FANCL: variants seen among roughly 807,000 people sequenced by gnomAD.
FANCL encodes the protein E3 ubiquitin-protein ligase FANCL.
A neutral mutation model predicts 59.4 loss-of-function variants in FANCL; 69 were observed. That is an observed-to-expected ratio of 1.16 (90% CI 0.96 to 1.42). The LOEUF (loss-of-function observed/expected upper bound fraction) is 1.42, where lower values mean the gene tolerates loss of function less well. Among genes scored for constraint, FANCL ranks in the 40% most tolerant of loss-of-function variants. The pLI is 0.00. For missense variants in FANCL, 519 were observed against 447.2 expected (o/e 1.16, Z -1.45); for synonymous variants, 180 against 147.1 (o/e 1.22, Z -1.62).
At chr2:58,204,255 T>C (rs754697786) in intron 5 of FANCL, 29 bp from the exon 6 acceptor site, 59 of 1,540,464 alleles carry the variant, frequency 3.8e-5, no homozygotes, top group South Asian at 5.6e-5. Flanking sequence ...TAAAAAATGA[T>C]CACACCGGGG....
chr2:58,171,805 C>A (rs141947791), intron 7 of FANCL, among the ~76,000 whole-genome samples: 1 of 152,204 alleles, frequency 6.6e-6, no homozygotes, highest in African/African-American at 2.4e-5. Context: ...GGACGAGGCA[C>A]TGCCTCCCTC....
intron 6 of FANCL, among the ~76,000 whole-genome samples, chr2:58,202,239 TAAAAAAAAAAAAA>T (rs5831491): frequency 7.5e-5 from 8 of 106,094 alleles, no homozygotes; most frequent in African/African-American, 2.5e-4. Flanking sequence ...ACCTTTTTCC[TAAAAAAAAAAAAA>T]AAAAAAAAAG....
intron 5 of FANCL, among the ~76,000 whole-genome samples, chr2:58,212,169 C>A (rs564145215): frequency 1.1e-4 from 16 of 152,258 alleles, no homozygotes; most frequent in South Asian, 6.2e-4. Context: ...CTGGGGAAGC[C>A]TCACAATCAT....
In FANCL at chr2:58,159,408, C is replaced by T; in HGVS notation, c.*357G>A. Reference sequence around the variant, plus strand: ...CTCAAGAACCTTTGAATGAAGTAAACAGTTTCCCACAAAAAATCAGCTATA... The same window carrying T: ...CTCAAGAACCTTTGAATGAAGTAAATAGTTTCCCACAAAAAATCAGCTATA... On this transcript the variant is annotated 3_prime_UTR_variant, in exon 14 of 14. Transcript: ENST00000233741. 1 of 1,613,400 alleles carries T rather than the reference C, an allele frequency of 6.2e-7. No homozygotes were observed. Among genetic ancestry groups the T allele is most frequent in the Non-Finnish European group, 8.5e-7 (1 of 1,179,668 alleles).
chr2:58,172,355 T>C (rs972936647), intron 7 of FANCL, among the ~76,000 whole-genome samples: 1 of 152,138 alleles, frequency 6.6e-6, no homozygotes, highest in African/African-American at 2.4e-5. Context: ...CACCGCCCAG[T>C]AGGGGCAGAC....
At chr2:58,179,433 C>G (rs1346754322) in intron 7 of FANCL, among the ~76,000 whole-genome samples, 1 of 152,072 alleles carries the variant, frequency 6.6e-6, no homozygotes, top group Non-Finnish European at 1.5e-5. Flanking sequence ...TAACGCCACA[C>G]ATCTACAACC....
intron 6 of FANCL, among the ~76,000 whole-genome samples, chr2:58,203,209 A>G (rs540113571): frequency 6.6e-6 from 1 of 152,046 alleles, no homozygotes; most frequent in Admixed American, 6.6e-5. Context: ...TGAGAGAATT[A>G]GTCATTTCTC....
chr2:58,169,867 A>G (rs1686376471), intron 7 of FANCL, among the ~76,000 whole-genome samples: 1 of 152,154 alleles, frequency 6.6e-6, no homozygotes, highest in Admixed American at 6.5e-5. Flanking sequence ...AAGAATGAGA[A>G]GGAATGAACA....
intron 11 of FANCL, among the ~76,000 whole-genome samples, chr2:58,162,225 A>T (rs565679072): frequency 2.0e-5 from 3 of 151,928 alleles, no homozygotes; most frequent in Non-Finnish European, 4.4e-5. Context: ...TCAAAAATCA[A>T]TTCTATTATT....
At chr2:58,188,382 C>A (rs1386080956) in intron 7 of FANCL, among the ~76,000 whole-genome samples, 2 of 151,876 alleles carry the variant, frequency 1.3e-5, no homozygotes, top group African/African-American at 4.8e-5. Flanking sequence ...TATCACAGGA[C>A]CTTTGCAGCC....
chr2:58,198,794 C>G, intron 6 of FANCL, 132 bp from the exon 7 acceptor site: 2 of 667,142 alleles, frequency 3.0e-6, no homozygotes, highest in Non-Finnish European at 5.4e-6. Flanking sequence ...CTTTGGGAGG[C>G]CGAGGCGGGC....
chr2:58,196,147 G>A (rs149782988), intron 7 of FANCL, among the ~76,000 whole-genome samples: 111 of 152,070 alleles, frequency 7.3e-4, no homozygotes, highest in South Asian at 2.9e-3. Context: ...CTGCAAATAT[G>A]GCATAAACAA....
At chr2:58,167,486 T>C (rs1686073477) in intron 7 of FANCL, among the ~76,000 whole-genome samples, 1 of 152,184 alleles carries the variant, frequency 6.6e-6, no homozygotes, top group South Asian at 2.1e-4. Flanking sequence ...AAGATAAGGT[T>C]AACTCCCCTG....
chr2:58,218,234 A>G (rs1692039737), intron 5 of FANCL, among the ~76,000 whole-genome samples: 1 of 152,062 alleles, frequency 6.6e-6, no homozygotes, highest in Non-Finnish European at 1.5e-5. Context: ...AAAAAAATCA[A>G]TGACCTACAT....
chr2:58,203,898 T>G (rs969751314), intron 6 of FANCL, among the ~76,000 whole-genome samples: 3 of 152,086 alleles, frequency 2.0e-5, no homozygotes, highest in Admixed American at 2.0e-4. Flanking sequence ...AACTGTAGTA[T>G]TTGTTATAAA....
Position 58,159,552 on chromosome 2 carries a change from A to C in FANCL, c.*213T>G. On this transcript the variant is annotated 3_prime_UTR_variant, in exon 14 of 14. Coordinates refer to ENST00000233741, the MANE Select transcript of FANCL (RefSeq NM_018062.4). Reference sequence around the variant, plus strand: ...CTTCCACAGTCAGCACGGGGATCACAGACTTAGAAAGTTCAACTGGACTTT... The same window carrying C: ...CTTCCACAGTCAGCACGGGGATCACCGACTTAGAAAGTTCAACTGGACTTT... 2 of 1,613,866 alleles carry C rather than the reference A, an allele frequency of 1.2e-6. No individual in the cohort carries two copies. The highest frequency in any genetic ancestry group is 1.7e-6 in the Non-Finnish European group (2 of 1,179,824).
intron 9 of FANCL, 70 bp from the exon 10 acceptor site, chr2:58,163,144 C>A: frequency 7.6e-7 from 1 of 1,319,052 alleles, no homozygotes; most frequent in African/African-American, 1.5e-5. Flanking sequence ...ACATTTGATA[C>A]AGAATGTTTC....
intron 5 of FANCL, among the ~76,000 whole-genome samples, chr2:58,214,807 C>A (rs528443928): frequency 1.1e-4 from 17 of 152,242 alleles, no homozygotes; most frequent in Admixed American, 7.2e-4. Flanking sequence ...GCCACCACAC[C>A]TGGCCCATGA....
chr2:58,219,153 AAAAAAAAAAAAAAAAAAAATATATATAT>A lies in FANCL; in HGVS notation c.374+2761_374+2788del, dbSNP rs1312209967. On this transcript the variant is annotated intron_variant, in intron 5 of 13. Coordinates refer to ENST00000233741, the MANE Select transcript of FANCL (RefSeq NM_018062.4). Reference sequence around the variant, plus strand: ...GTAAATACATGCTAAAAAAAAAAAAAAAAAAAAAAAAAAAAAAAATATATATATATATATATATATATATATATATATC... The same window carrying A: ...GTAAATACATGCTAAAAAAAAAAAAAATATATATATATATATATATATATC... Among the ~76,000 whole-genome samples the A allele has an allele frequency of 5.1e-3, 374 of 73,886 alleles. 3 individuals carry two copies. The highest frequency in any genetic ancestry group is 0.03 in the African/African-American group (349 of 11,612). 48.5% of individuals were successfully genotyped at this position (73,886 alleles called of 152,430 possible). A position where few individuals can be genotyped will look rare whatever the true frequency, so the allele number is the denominator to read the frequency against.
Sources: allele counts gnomAD v4.1 joint callset (sites outside exome capture counted in the v4.1 genomes callset), GRCh38; gene constraint gnomAD v4.1.1; transcripts MANE v1.5; gene names NCBI Gene and HGNC (gene_info 2026-07-23, HGNC 2026-07-21).